Variants in PELI2 observed in about 807,000 individuals in gnomAD.
PELI2 encodes the protein E3 ubiquitin-protein ligase pellino homolog 2.
In PELI2, 23 loss-of-function variants were observed where a neutral mutation model predicts 42.3. The observed-to-expected ratio is 0.54, with a 90% CI of 0.39 to 0.77. PELI2 has a LOEUF of 0.77. Ranked by LOEUF, PELI2 falls within the 30% of genes least tolerant of loss-of-function variation. The pLI, the probability that PELI2 is intolerant of heterozygous loss-of-function variation, is 0.00. For synonymous variants in PELI2, 245 were observed against 212.2 expected, an observed-to-expected ratio of 1.15 and a Z score of -1.34; for missense variants, 463 against 553.2, an observed-to-expected ratio of 0.84 and a Z score of 1.64.
chr14:56,263,159 C>A (rs1888777872), intron 2 of PELI2, among the ~76,000 whole-genome samples: 1 of 152,138 alleles, frequency 6.6e-6, no homozygotes, highest in South Asian at 2.1e-4. Flanking sequence ...CAGGGTTTCA[C>A]CATGTTGGCC....
At chr14:56,254,917 A>C (rs892798520) in intron 2 of PELI2, among the ~76,000 whole-genome samples, 2 of 152,262 alleles carry the variant, frequency 1.3e-5, no homozygotes, top group African/African-American at 4.8e-5. Context: ...AGAGAAATGC[A>C]AATCAAAACC....
intron 1 of PELI2, among the ~76,000 whole-genome samples, chr14:56,176,071 T>C (rs561851338): frequency 1.3e-5 from 2 of 152,240 alleles, no homozygotes; most frequent in Non-Finnish European, 2.9e-5. Flanking sequence ...ATTGGCCAGG[T>C]TGAGTCAGAT....
At chr14:56,120,169 CAGGA>C in intron 1 of PELI2, among the ~76,000 whole-genome samples, 1 of 152,274 alleles carries the variant, frequency 6.6e-6, no homozygotes, top group Middle Eastern at 3.4e-3. Flanking sequence ...TCAGGGTTCA[CAGGA>C]AGGCGGGAGG....
chr14:56,279,827 C>G (rs1889417110), intron 3 of PELI2, 50 bp downstream of exon 3: 1 of 928,386 alleles, frequency 1.1e-6, no homozygotes, highest in South Asian at 1.4e-5. Context: ...TCCTTTAATT[C>G]TCTATTTTTT....
chr14:56,252,294 A>G (rs937580858), intron 2 of PELI2, among the ~76,000 whole-genome samples: 3 of 152,230 alleles, frequency 2.0e-5, no homozygotes, highest in Admixed American at 2.0e-4. Flanking sequence ...TATTTCCCAA[A>G]GCAGAGGTGT....
Position 56,221,100 on chromosome 14 carries a change from C to T in PELI2, c.207+42636C>T, listed in dbSNP as rs1032074047. Among the ~76,000 whole-genome samples, 10 of 152,034 alleles carry T rather than the reference C, an allele frequency of 6.6e-5. No individual in the cohort carries two copies. The South Asian group carries it at 1.9e-3, about 28-fold the overall frequency. Reference sequence around the variant, plus strand: ...AAACTGGCCATGCTTTCTAGAAAGCCGAAGTTGCATTTCATAGACTGCACC... The same window carrying T: ...AAACTGGCCATGCTTTCTAGAAAGCTGAAGTTGCATTTCATAGACTGCACC... On this transcript the variant is annotated intron_variant, in intron 2 of 5. Coordinates refer to ENST00000267460, the MANE Select transcript of PELI2 (RefSeq NM_021255.3).
chr14:56,248,298 G>A lies in PELI2; in HGVS notation c.208-31378G>A, dbSNP rs532603572. Among the ~76,000 whole-genome samples the A allele has an allele frequency of 3.4e-4, 51 of 152,100 alleles. No homozygotes were observed. In the South Asian group the frequency reaches 6.2e-3, roughly 19 times the overall value. ...GTAAATAATGAGAACATTAAGTTTC[G>A]CGCACATTTTAATTTATTCTTTAAC... On this transcript the variant is annotated intron_variant, in intron 2 of 5. Transcript: ENST00000267460.
intron 1 of PELI2, among the ~76,000 whole-genome samples, chr14:56,141,539 C>G (rs1883906807): frequency 6.6e-6 from 1 of 152,302 alleles, no homozygotes; most frequent in South Asian, 2.1e-4. Context: ...ATACCTGAGA[C>G]TGTGTAATTT....
At chr14:56,155,241 T>G (rs61987043) in intron 1 of PELI2, among the ~76,000 whole-genome samples, 1 of 49,594 alleles carries the variant, frequency 2.0e-5, no homozygotes, top group East Asian at 4.6e-4. Flanking sequence ...ATCTGTTGGG[T>G]TTTTTTTTTT....
At chr14:56,270,098 G>A (rs1594701545) in intron 2 of PELI2, among the ~76,000 whole-genome samples, 1 of 152,178 alleles carries the variant, frequency 6.6e-6, no homozygotes, top group East Asian at 1.9e-4. Context: ...GCGTGCCATA[G>A]ATTCTGTACC....
Position 56,223,198 on chromosome 14 carries a change from C to T in PELI2, c.207+44734C>T, listed in dbSNP as rs376365646. On this transcript the variant is annotated intron_variant, in intron 2 of 5. Transcript: ENST00000267460. ...ATTGCACTATTCTCACCACCACTGC[C>T]GCTGCCAAGGGAGTCTTTCTTTCCT... 1.6e-4 allele frequency among the ~76,000 whole-genome samples: 25 copies of T among 152,258 alleles called. 1 individual carries two copies. The highest frequency in any genetic ancestry group is 8.5e-4 in the Admixed American group (13 of 15,304).
intron 1 of PELI2, among the ~76,000 whole-genome samples, chr14:56,160,808 T>C (rs1023429405): frequency 2.0e-5 from 3 of 152,212 alleles, no homozygotes; most frequent in Non-Finnish European, 2.9e-5. Flanking sequence ...ACTGAATTTG[T>C]AACTGTGTTA....
intron 1 of PELI2, among the ~76,000 whole-genome samples, chr14:56,154,722 A>G (rs576511771): frequency 1.3e-5 from 2 of 150,712 alleles, no homozygotes; most frequent in African/African-American, 4.8e-5. Context: ...ACATCTTTGT[A>G]CATAAAACTT....
Position 56,219,076 on chromosome 14 carries a change from A to G in PELI2, c.207+40612A>G, listed in dbSNP as rs1297553447. Among the ~76,000 whole-genome samples, 4 of 152,182 alleles carry G rather than the reference A, an allele frequency of 2.6e-5. No homozygotes were observed. Among genetic ancestry groups the G allele is most frequent in the Non-Finnish European group, 5.9e-5 (4 of 68,042 alleles). On this transcript the variant is annotated intron_variant, in intron 2 of 5. Transcript: ENST00000267460. This position sits in a 1 kb window ranked among gnomAD's most constrained non-coding sequence, Gnocchi z 4.1. ...TTCACATTTCTTTTTCTAAGAATAA[A>G]CAGAACCCTAGGAAGGGAAGGTAGC...
chr14:56,140,111 C>T (rs1678975), intron 1 of PELI2, among the ~76,000 whole-genome samples: 89,233 of 150,394 alleles, frequency 0.59, 27,279 homozygotes, highest in African/African-American at 0.75. Flanking sequence ...AGCTAAATCA[C>T]CCGTCATGCC....
intron 1 of PELI2, among the ~76,000 whole-genome samples, chr14:56,128,320 G>A (rs146802062): frequency 3.9e-4 from 59 of 152,252 alleles, no homozygotes; most frequent in African/African-American, 1.3e-3. Flanking sequence ...GATGGTGGGC[G>A]AGAGCTCTGG....
intron 3 of PELI2, among the ~76,000 whole-genome samples, chr14:56,284,822 G>A (rs1889595056): frequency 6.6e-6 from 1 of 152,132 alleles, no homozygotes; most frequent in Non-Finnish European, 1.5e-5. Flanking sequence ...GATAACTAAG[G>A]CTCTCCTCTC....
chr14:56,277,373 T>G (rs944719032), intron 2 of PELI2, among the ~76,000 whole-genome samples: 2 of 151,870 alleles, frequency 1.3e-5, no homozygotes, highest in Admixed American at 1.3e-4. Context: ...GGTTGCGTGT[T>G]CCTTATGAGA....
At chr14:56,185,452 C>T (rs2139678994) in intron 2 of PELI2, among the ~76,000 whole-genome samples, 1 of 152,240 alleles carries the variant, frequency 6.6e-6, no homozygotes, top group South Asian at 2.1e-4. Context: ...AAATGTTGAG[C>T]TTTTTGCTGC....
Sources: gnomAD v4.1 joint callset for allele counts (sites outside exome capture counted in the v4.1 genomes callset) on GRCh38, gnomAD v4.1.1 for gene constraint, Gnocchi (gnomAD v3.1) non-coding constraint, MANE v1.5 for transcripts, NCBI Gene and HGNC (gene_info 2026-07-23, HGNC 2026-07-21) for gene names.